The following ZMIZ1 variants were observed in gnomAD, a reference collection of about 807,000 sequenced individuals.
ZMIZ1 encodes the protein zinc finger MIZ domain-containing protein 1.
A neutral mutation model predicts 113.9 loss-of-function variants in ZMIZ1; 17 were observed. The ratio of observed to expected loss-of-function variants is 0.15; its 90% CI spans 0.10 to 0.22. The LOEUF is 0.22. Ranked by LOEUF, ZMIZ1 falls within the 10% of genes least tolerant of loss-of-function variation. The pLI is 1.00. For missense variants in ZMIZ1, 1,059 were observed against 1,477.8 expected (o/e 0.72, Z 4.65); for synonymous variants, 607 against 603.1 (o/e 1.01, Z -0.09).
At chr10:79,070,786 T>G (rs969029344) in intron 1 of ZMIZ1, among the ~76,000 whole-genome samples, 1 of 152,018 alleles carries the variant, frequency 6.6e-6, no homozygotes, top group Non-Finnish European at 1.5e-5. Flanking sequence ...AGCCGTCAGC[T>G]TCCTGGGTAG....
At chr10:79,142,898 A>G (rs955446762) in intron 3 of ZMIZ1, among the ~76,000 whole-genome samples, 3 of 152,166 alleles carry the variant, frequency 2.0e-5, no homozygotes, top group African/African-American at 7.2e-5. Context: ...CTCCCTATTG[A>G]GCACCTGAGC....
intron 1 of ZMIZ1, among the ~76,000 whole-genome samples, chr10:79,086,206 C>CA: frequency 6.6e-6 from 1 of 152,316 alleles, no homozygotes; most frequent in Admixed American, 6.5e-5. Context: ...ACCGTGTGGA[C>CA]AGTGACAGAA....
chr10:79,182,658 G>A (rs925660831), intron 4 of ZMIZ1, among the ~76,000 whole-genome samples: 8 of 152,238 alleles, frequency 5.3e-5, no homozygotes, highest in African/African-American at 1.7e-4. Context: ...AGCCCTAAGA[G>A]GCTTGAGGAT....
intron 1 of ZMIZ1, among the ~76,000 whole-genome samples, chr10:79,080,218 G>A (rs1383960204): frequency 6.6e-6 from 1 of 151,998 alleles, no homozygotes; most frequent in Non-Finnish European, 1.5e-5. Context: ...CCGCCTGTCT[G>A]CCCTGTGTGC....
chr10:79,293,366 T>A lies in ZMIZ1; in HGVS notation c.958-15T>A. 1 of 1,506,112 alleles carries A rather than the reference T, an allele frequency of 6.6e-7. No individual in the cohort carries two copies. Among genetic ancestry groups the A allele is most frequent in the Non-Finnish European group, 8.9e-7 (1 of 1,127,004 alleles). 93.3% of individuals were successfully genotyped at this position (1,506,112 alleles called of 1,614,324 possible). On this transcript the variant is annotated splice_polypyrimidine_tract_variant and intron_variant, in intron 11 of 24. Transcript: ENST00000334512. ...TTTTTTTCTTCTCCCGTTGAAGGTC[T>A]GTTCCTCTTTCCAGATGGGTCCCAC...
At chr10:79,177,555 C>A (rs1188023209) in intron 4 of ZMIZ1, among the ~76,000 whole-genome samples, 1 of 152,230 alleles carries the variant, frequency 6.6e-6, no homozygotes, top group Non-Finnish European at 1.5e-5. Flanking sequence ...TGCCGAAACA[C>A]ACACCACCAA....
chr10:79,306,200 T>C lies in ZMIZ1; in HGVS notation c.2524T>C (p.Ser842Pro). 6.2e-7 allele frequency: 1 copy of C among 1,614,170 alleles called. No homozygotes were observed. The highest frequency in any genetic ancestry group is 8.5e-7 in the Non-Finnish European group (1 of 1,180,016). Residue 842 changes from serine (S) to proline (P), a missense_variant, in exon 22 of 25, where the codon TCC becomes CCC. Transcript: ENST00000334512. ...CAAGGACGACCCTGATGGCATCCCC[T>C]CCAAGCGGTTCAAGACCATGAGTCC... ...HIKDDPDGIP[S>P]KRFKTMSPSQ...
chr10:79,280,107 C>T (rs1852624872), intron 8 of ZMIZ1, among the ~76,000 whole-genome samples: 1 of 151,842 alleles, frequency 6.6e-6, no homozygotes, highest in Admixed American at 6.6e-5. Context: ...CCCATCTCAG[C>T]CTTCCAAGTA....
intron 7 of ZMIZ1, among the ~76,000 whole-genome samples, chr10:79,237,682 A>G (rs945029133): frequency 6.6e-6 from 1 of 152,214 alleles, no homozygotes; most frequent in African/African-American, 2.4e-5. Flanking sequence ...TAATGACCTC[A>G]TCTTAACGTG....
chr10:79,305,648 C>G, intron 21 of ZMIZ1, 47 bp downstream of exon 21: 2 of 1,595,240 alleles, frequency 1.3e-6, no homozygotes, highest in Non-Finnish European at 1.7e-6. Flanking sequence ...GGGACGAGGC[C>G]TGGATTAGAG....
intron 3 of ZMIZ1, among the ~76,000 whole-genome samples, chr10:79,156,933 G>A (rs1013475069): frequency 6.6e-6 from 1 of 152,196 alleles, no homozygotes. Context: ...TATGGGCCTC[G>A]AGGCTGAAGA....
intron 8 of ZMIZ1, among the ~76,000 whole-genome samples, chr10:79,285,005 C>T (rs1344166943): frequency 6.6e-6 from 1 of 152,198 alleles, no homozygotes; most frequent in East Asian, 1.9e-4. Context: ...CAAGAACCCC[C>T]AGGAAGATGC....
chr10:79,297,343 A>G (rs143492063), intron 13 of ZMIZ1, among the ~76,000 whole-genome samples: 2 of 152,224 alleles, frequency 1.3e-5, no homozygotes, highest in Admixed American at 6.5e-5. Context: ...ATGGCCATCT[A>G]CCAAACAGGT....
chr10:79,173,168 G>C (rs1846676957), intron 4 of ZMIZ1, among the ~76,000 whole-genome samples: 1 of 152,208 alleles, frequency 6.6e-6, no homozygotes, highest in Non-Finnish European at 1.5e-5. Context: ...CTGGGAGGTG[G>C]CACTGGCCTA....
intron 4 of ZMIZ1, among the ~76,000 whole-genome samples, chr10:79,191,695 T>G (rs1589401653): frequency 6.6e-6 from 1 of 152,190 alleles, no homozygotes; most frequent in South Asian, 2.1e-4. Flanking sequence ...TTGAGGGAGG[T>G]CTGCCATATT....
intron 6 of ZMIZ1, among the ~76,000 whole-genome samples, chr10:79,213,468 G>A (rs7070139): frequency 0.022 from 3,327 of 152,270 alleles, 118 homozygotes; most frequent in African/African-American, 0.076. Context: ...TGACCCTTCT[G>A]AATGCTGGGG....
intron 18 of ZMIZ1, among the ~76,000 whole-genome samples, chr10:79,302,681 C>CTTTTTTT (rs758621365): frequency 2.9e-4 from 12 of 41,788 alleles, no homozygotes; most frequent in East Asian, 8.3e-4. Flanking sequence ...ACAGCTCATG[C>CTTTTTTT]TTTTTTTTTT....
intron 1 of ZMIZ1, among the ~76,000 whole-genome samples, chr10:79,073,076 T>C (rs1286255302): frequency 6.6e-6 from 1 of 152,132 alleles, no homozygotes; most frequent in Non-Finnish European, 1.5e-5. Flanking sequence ...CCCATCATGA[T>C]TGAGAGGGTC....
chr10:79,171,661 G>A (rs558921120), intron 4 of ZMIZ1, among the ~76,000 whole-genome samples: 2 of 152,354 alleles, frequency 1.3e-5, no homozygotes, highest in African/African-American at 2.4e-5. Flanking sequence ...CCGTGTCCAC[G>A]GGGCAAGGGA....
Sources: allele counts gnomAD v4.1 joint callset (sites outside exome capture counted in the v4.1 genomes callset), GRCh38; gene constraint gnomAD v4.1.1; transcripts MANE v1.5; gene names NCBI Gene and HGNC (gene_info 2026-07-23, HGNC 2026-07-21).